Variants in LIMS1 observed in about 807,000 individuals in gnomAD.
LIMS1 encodes LIM zinc finger domain containing 1.
LIMS1 carries 18 observed loss-of-function variants against 44.1 expected under a neutral mutation model. That is an observed-to-expected ratio of 0.41 (90% CI 0.28 to 0.61). The LOEUF (loss-of-function observed/expected upper bound fraction) is 0.61, where lower values mean the gene tolerates loss of function less well. Ranked by LOEUF, LIMS1 falls within the 20% of genes least tolerant of loss-of-function variation. The pLI is 0.32. For missense variants in LIMS1, 201 were observed against 422.0 expected (o/e 0.48, Z 4.59); for synonymous variants, 93 against 149.1 (o/e 0.62, Z 2.74).
intron 1 of LIMS1, among the ~76,000 whole-genome samples, chr2:108,552,933 G>A (rs1209683392): frequency 6.6e-6 from 1 of 152,080 alleles, no homozygotes; most frequent in African/African-American, 2.4e-5. Flanking sequence ...GAGGCATAGA[G>A]ATAGATTGGG....
At chr2:108,648,048 T>C (rs1050943068) in intron 1 of LIMS1, among the ~76,000 whole-genome samples, 5 of 152,238 alleles carry the variant, frequency 3.3e-5, no homozygotes, top group African/African-American at 7.2e-5. Flanking sequence ...GATGACATGA[T>C]TGTATGTTTA....
chr2:108,644,787 G>A (rs888069237), intron 1 of LIMS1, among the ~76,000 whole-genome samples: 4 of 151,996 alleles, frequency 2.6e-5, no homozygotes, highest in African/African-American at 4.8e-5. Context: ...AGAATAACCA[G>A]TTTAGAGAAG....
At chr2:108,577,737 G>A (rs1222650971) in intron 1 of LIMS1, among the ~76,000 whole-genome samples, 1 of 152,170 alleles carries the variant, frequency 6.6e-6, no homozygotes, top group African/African-American at 2.4e-5. Context: ...AGGTGCTTCA[G>A]ATGTTCTTAC....
intron 1 of LIMS1, among the ~76,000 whole-genome samples, chr2:108,646,925 G>A (rs556868226): frequency 3.5e-4 from 53 of 152,200 alleles, no homozygotes; most frequent in Non-Finnish European, 4.7e-4. Flanking sequence ...GTTTCACCGC[G>A]TTAGCCAGGA....
chr2:108,683,465 C>T (rs1693136992), intron 9 of LIMS1, among the ~76,000 whole-genome samples: 1 of 149,704 alleles, frequency 6.7e-6, no homozygotes. Flanking sequence ...TGGCTTGAGT[C>T]CAGGAGTTAG....
At chr2:108,682,586 A>C (rs1312564751) in intron 9 of LIMS1, among the ~76,000 whole-genome samples, 1 of 152,212 alleles carries the variant, frequency 6.6e-6, no homozygotes, top group Non-Finnish European at 1.5e-5. Context: ...TCTTTTATCA[A>C]AAAAATGGCA....
At chr2:108,596,924 T>G (rs978246706) in intron 1 of LIMS1, among the ~76,000 whole-genome samples, 5 of 141,434 alleles carry the variant, frequency 3.5e-5, no homozygotes, top group East Asian at 4.2e-4. Flanking sequence ...TGTTTTTTTT[T>G]TTTTTTTTTT....
chr2:108,619,989 C>T (rs1688147741), intron 1 of LIMS1, among the ~76,000 whole-genome samples: 1 of 152,124 alleles, frequency 6.6e-6, no homozygotes, highest in Non-Finnish European at 1.5e-5. Context: ...CTCATTAAAT[C>T]TAGTGTAGTG....
intron 1 of LIMS1, among the ~76,000 whole-genome samples, chr2:108,586,177 G>A (rs140383973): frequency 0.029 from 4,427 of 152,106 alleles, 145 homozygotes; most frequent in South Asian, 0.14. Context: ...GGACGACAGA[G>A]CGAGACTCCG....
In LIMS1 at chr2:108,549,552, A is replaced by T. The variant is rs1470947550; in HGVS notation, c.32+14958A>T. Among the ~76,000 whole-genome samples the T allele has an allele frequency of 2.0e-5, 3 of 152,110 alleles. No homozygotes were observed. In the East Asian group the frequency reaches 5.8e-4, roughly 29 times the overall value. ...TTTCTCCATTAGGAGGCAATGCAGG[A>T]ACAAGTTATTTGATATGGGAAGAGG... On this transcript the variant is annotated intron_variant, in intron 1 of 9. Coordinates refer to ENST00000544547, the Ensembl canonical transcript of LIMS1.
At chr2:108,620,226 G>T (rs1448722372) in intron 1 of LIMS1, among the ~76,000 whole-genome samples, 1 of 152,104 alleles carries the variant, frequency 6.6e-6, no homozygotes, top group Non-Finnish European at 1.5e-5. Flanking sequence ...TCTCAGAGAT[G>T]GGAATAACTC....
intron 8 of LIMS1, 59 bp downstream of exon 8, chr2:108,678,086 T>C: frequency 6.2e-7 from 1 of 1,607,614 alleles, no homozygotes; most frequent in South Asian, 1.1e-5. Flanking sequence ...ACTTGGGTAA[T>C]GTGGAAATTC....
intron 1 of LIMS1, among the ~76,000 whole-genome samples, chr2:108,603,495 CTTTTTTTTT>C (rs55909729): frequency 1.1e-5 from 1 of 88,216 alleles, no homozygotes; most frequent in African/African-American, 4.2e-5. Context: ...TTTTCATCGC[CTTTTTTTTT>C]TTTTTTTTTT....
intron 2 of LIMS1, among the ~76,000 whole-genome samples, chr2:108,667,551 A>AATATATATAT (rs1553469852): frequency 9.7e-4 from 126 of 130,462 alleles, no homozygotes; most frequent in African/African-American, 3.5e-3. Context: ...AAAAAAAAAA[A>AATATATATAT]ATATATATAT....
chr2:108,612,107 G>A (rs1458469479), intron 1 of LIMS1, among the ~76,000 whole-genome samples: 2 of 147,418 alleles, frequency 1.4e-5, no homozygotes, highest in African/African-American at 5.0e-5. Context: ...TTTTTCTCTT[G>A]GCAGGGGTTC....
chr2:108,634,216 G>T (rs1002599748), intron 1 of LIMS1, among the ~76,000 whole-genome samples: 4 of 152,190 alleles, frequency 2.6e-5, no homozygotes, highest in Non-Finnish European at 5.9e-5. Context: ...AGGGAAGAAG[G>T]ACTGCAGGGC....
At chr2:108,672,097 G>A (rs1443350903) in intron 3 of LIMS1, among the ~76,000 whole-genome samples, 2 of 150,794 alleles carry the variant, frequency 1.3e-5, no homozygotes, top group Non-Finnish European at 2.9e-5. Flanking sequence ...AACCCGGGAG[G>A]CAGAGGTTGC....
intron 1 of LIMS1, among the ~76,000 whole-genome samples, chr2:108,643,190 C>T (rs1445508096): frequency 3.3e-5 from 5 of 152,164 alleles, no homozygotes; most frequent in South Asian, 2.1e-4. Flanking sequence ...TCTTAAGAAA[C>T]GCCCTGGATT....
At chr2:108,656,677 C>T (rs1690883875) in intron 1 of LIMS1, among the ~76,000 whole-genome samples, 1 of 145,234 alleles carries the variant, frequency 6.9e-6, no homozygotes, top group Non-Finnish European at 1.5e-5. Context: ...TATTATATTA[C>T]CTCTAAAACT....
Sources: gnomAD v4.1 joint callset for allele counts (sites outside exome capture counted in the v4.1 genomes callset) on GRCh38, gnomAD v4.1.1 for gene constraint, MANE v1.5 for transcripts, NCBI Gene and HGNC (gene_info 2026-07-23, HGNC 2026-07-21) for gene names.